PTPRD: variants seen among roughly 807,000 people sequenced by gnomAD.
PTPRD encodes the protein protein tyrosine phosphatase receptor type D, also known as receptor-type tyrosine-protein phosphatase delta.
Under a neutral mutation model 214.5 loss-of-function variants are expected in PTPRD, and 34 were observed. The observed-to-expected ratio is 0.16, with a 90% CI of 0.12 to 0.21. The LOEUF is 0.21. PTPRD is among the 10% of genes least tolerant of loss of function. The pLI is 1.00. For synonymous variants in PTPRD, 1,128 were observed against 845.7 expected, an observed-to-expected ratio of 1.33 and a Z score of -5.79; for missense variants, 2,545 against 2,398.7, an observed-to-expected ratio of 1.06 and a Z score of -1.27.
intron 26 of PTPRD, among the ~76,000 whole-genome samples, chr9:8,493,987 C>A (rs550078869): frequency 1.5e-5 from 2 of 133,492 alleles, no homozygotes; most frequent in South Asian, 2.4e-4. Flanking sequence ...CGCACACACA[C>A]AGACACACAC....
At chr9:10,267,742 A>G (rs988309472) in intron 3 of PTPRD, among the ~76,000 whole-genome samples, 1 of 152,194 alleles carries the variant, frequency 6.6e-6, no homozygotes, top group African/African-American at 2.4e-5. Flanking sequence ...AATGTTCATT[A>G]AAGTCTTATT....
chr9:8,601,481 G>C (rs949795790), intron 14 of PTPRD, among the ~76,000 whole-genome samples: 1 of 152,148 alleles, frequency 6.6e-6, no homozygotes, highest in Non-Finnish European at 1.5e-5. Context: ...AGTCCCAGTG[G>C]TGATGGCCAC....
At chr9:9,748,876 T>A (rs946607416) in intron 6 of PTPRD, among the ~76,000 whole-genome samples, 1 of 152,202 alleles carries the variant, frequency 6.6e-6, no homozygotes, top group African/African-American at 2.4e-5. Flanking sequence ...TGACATTATA[T>A]TATTGTCTGC....
At chr9:9,403,120 T>A (rs1246910007) in intron 8 of PTPRD, among the ~76,000 whole-genome samples, 5 of 150,270 alleles carry the variant, frequency 3.3e-5, no homozygotes, top group African/African-American at 1.2e-4. Context: ...TAAAACCCCA[T>A]CTCTACTAAA....
At chr9:9,851,324 G>A (rs986632323) in intron 5 of PTPRD, among the ~76,000 whole-genome samples, 5 of 152,164 alleles carry the variant, frequency 3.3e-5, no homozygotes, top group African/African-American at 7.2e-5. Flanking sequence ...AACTGCTCTC[G>A]TCAGGCCAGC....
chr9:8,354,169 ACTC>A (rs1299881001), intron 39 of PTPRD, among the ~76,000 whole-genome samples: 1 of 151,550 alleles, frequency 6.6e-6, no homozygotes, highest in Non-Finnish European at 1.5e-5. Flanking sequence ...ATTGCTAAGT[ACTC>A]CTTATTCTTT....
At chr9:8,806,546 T>C (rs1195563837) in intron 11 of PTPRD, among the ~76,000 whole-genome samples, 11 of 152,180 alleles carry the variant, frequency 7.2e-5, no homozygotes. Context: ...GTCATGTAGC[T>C]TTAAAAAGTG....
intron 5 of PTPRD, among the ~76,000 whole-genome samples, chr9:9,825,940 CTAA>C (rs1384402256): frequency 3.3e-5 from 5 of 151,470 alleles, no homozygotes; most frequent in African/African-American, 1.2e-4. Flanking sequence ...TTTCTTGGTA[CTAA>C]TAATTCCAGG....
chr9:8,814,372 T>G lies in PTPRD; in HGVS notation c.-103-80426A>C, dbSNP rs537203230. ...AAGAATGTCTTCACGGAGAACGCTT[T>G]AAGTGAAGGAAACAGAGGAGGGTGA... On this transcript the variant is annotated intron_variant, in intron 11 of 45. Coordinates refer to ENST00000381196, the MANE Select transcript of PTPRD (RefSeq NM_002839.4). Among the ~76,000 whole-genome samples the G allele has an allele frequency of 1.3e-5, 2 of 152,162 alleles. 1 individual carries two copies. Among genetic ancestry groups the G allele is most frequent in the East Asian group, 3.9e-4 (2 of 5,160 alleles).
chr9:9,868,666 A>C lies in PTPRD; in HGVS notation c.-368+69841T>G, dbSNP rs1003304904. ...AGTGTAACAGGGTTTGGCTAGTTTCAAGCAGGGTATTATGAGGAAAGATAC... is the reference window on the plus strand; with the variant it reads ...AGTGTAACAGGGTTTGGCTAGTTTCCAGCAGGGTATTATGAGGAAAGATAC... On this transcript the variant is annotated intron_variant, in intron 5 of 45. Transcript: ENST00000381196. Among the ~76,000 whole-genome samples, 4 of 151,952 alleles carry C rather than the reference A, an allele frequency of 2.6e-5. 1 individual carries two copies. The South Asian group carries it at 8.3e-4, about 31-fold the overall frequency.
intron 7 of PTPRD, among the ~76,000 whole-genome samples, chr9:9,601,165 G>T (rs2093736946): frequency 6.8e-6 from 1 of 146,062 alleles, no homozygotes; most frequent in African/African-American, 2.6e-5. Flanking sequence ...GGGGGGGAGA[G>T]TGGGGAGAGA....
chr9:10,206,697 A>C (rs2099483540), intron 3 of PTPRD, among the ~76,000 whole-genome samples: 1 of 152,192 alleles, frequency 6.6e-6, no homozygotes, highest in Non-Finnish European at 1.5e-5. Flanking sequence ...AGTTTGAATT[A>C]TATTTGTGAT....
chr9:10,248,480 A>T (rs1014700932), intron 3 of PTPRD, among the ~76,000 whole-genome samples: 1 of 144,800 alleles, frequency 6.9e-6, no homozygotes, highest in Non-Finnish European at 1.5e-5. Context: ...GTTAAACATT[A>T]GTTCTACAGA....
intron 5 of PTPRD, among the ~76,000 whole-genome samples, chr9:9,772,734 T>C (rs1013211981): frequency 6.6e-6 from 1 of 152,212 alleles, no homozygotes; most frequent in Admixed American, 6.5e-5. Flanking sequence ...ATTGTTTTGA[T>C]AGTAATGAGC....
Position 10,231,955 on chromosome 9 carries a change from TTA to T in PTPRD, c.-545+109006_-545+109007del, listed in dbSNP as rs1564676467. On this transcript the variant is annotated intron_variant, in intron 3 of 45. Transcript: ENST00000381196. ...CTGTATTAGTTCTCTTGGGAATGAA[TTA>T]GAGAGAGAGAGAGAGAGAGAGAGAG... Among the ~76,000 whole-genome samples, 218 of 75,724 alleles carry T rather than the reference TTA, an allele frequency of 2.9e-3. 2 individuals carry two copies. Among genetic ancestry groups the T allele is most frequent in the African/African-American group, 0.014 (202 of 14,678 alleles). The allele number at this position is 75,724 out of a possible 152,430, so 49.7% of individuals were successfully genotyped here.
rs141404187 is a variant in PTPRD, at chr9:9,500,480, AT to A, written c.-237+74251del. 3.2e-3 allele frequency among the ~76,000 whole-genome samples: 480 copies of A among 152,198 alleles called. 3 individuals carry two copies. The highest frequency in any genetic ancestry group is 0.01 in the African/African-American group (421 of 41,546). On this transcript the variant is annotated intron_variant, in intron 8 of 45. Transcript: ENST00000381196. ...GTGCCACTGAGTTGAGACTATAGAT[AT>A]TGAGGTTTGGTGCTGCTAAGTTGAC...
intron 10 of PTPRD, among the ~76,000 whole-genome samples, chr9:9,066,560 C>A (rs900253168): frequency 4.5e-5 from 3 of 67,064 alleles, no homozygotes; most frequent in African/African-American, 1.0e-4. Context: ...ACAACAACAA[C>A]AAAAAGTTTT....
chr9:8,486,747 T>C (rs547233542), intron 27 of PTPRD, among the ~76,000 whole-genome samples: 3 of 152,340 alleles, frequency 2.0e-5, no homozygotes, highest in South Asian at 4.1e-4. Flanking sequence ...ATATGTGCAA[T>C]GTACCGGCGT....
At chr9:8,438,896 A>C (rs2095447730) in intron 34 of PTPRD, 1 of 152,174 alleles carries the variant, frequency 6.6e-6, no homozygotes, top group Non-Finnish European at 1.5e-5. Context: ...TAATAACCAA[A>C]GATGTGATCA....
Sources: gnomAD v4.1 joint callset for allele counts (sites outside exome capture counted in the v4.1 genomes callset) on GRCh38, gnomAD v4.1.1 for gene constraint, MANE v1.5 for transcripts, NCBI Gene and HGNC (gene_info 2026-07-23, HGNC 2026-07-21) for gene names.